Variants in SPPL3 observed in about 807,000 individuals in gnomAD.
SPPL3 encodes the protein signal peptide peptidase like 3, also known as signal peptide peptidase-like 3.
A neutral mutation model predicts 42.4 loss-of-function variants in SPPL3; 5 were observed. The ratio of observed to expected loss-of-function variants is 0.12; its 90% CI spans 0.06 to 0.25. The LOEUF (loss-of-function observed/expected upper bound fraction) is 0.25. SPPL3 is among the 10% of genes least tolerant of loss of function. The pLI, the probability that SPPL3 is intolerant of heterozygous loss-of-function variation, is 1.00. For synonymous variants in SPPL3, 195 were observed against 181.8 expected, an observed-to-expected ratio of 1.07 and a Z score of -0.58; for missense variants, 235 against 489.0, an observed-to-expected ratio of 0.48 and a Z score of 4.90.
At chr12:120,879,071 C>T (rs1873199183) in intron 1 of SPPL3, among the ~76,000 whole-genome samples, 1 of 132,854 alleles carries the variant, frequency 7.5e-6, no homozygotes, top group Non-Finnish European at 1.5e-5. Flanking sequence ...CGAGATCGCG[C>T]CATTGCACTC....
chr12:120,802,200 G>T (rs895227234), intron 2 of SPPL3, among the ~76,000 whole-genome samples: 6 of 151,758 alleles, frequency 4.0e-5, no homozygotes, highest in African/African-American at 1.5e-4. Flanking sequence ...TCAGGACAAG[G>T]GGAAACATGG....
chr12:120,841,531 C>T (rs1016265401), intron 1 of SPPL3, among the ~76,000 whole-genome samples: 1 of 151,930 alleles, frequency 6.6e-6, no homozygotes, highest in Non-Finnish European at 1.5e-5. Context: ...GTATGATAAA[C>T]GAAAGGCCAA....
At chr12:120,859,178 G>A (rs1201528979) in intron 1 of SPPL3, among the ~76,000 whole-genome samples, 2 of 151,724 alleles carry the variant, frequency 1.3e-5, no homozygotes, top group Non-Finnish European at 2.9e-5. Context: ...TTTGGGGTGG[G>A]GGGCGTGGGG....
rs367658051 is a variant in SPPL3 at position 120,782,780 on chromosome 12, C to G, written c.390-13G>C. 4 of 1,580,456 alleles carry G rather than the reference C, an allele frequency of 2.5e-6. No individual in the cohort carries two copies. The African/African-American group carries it at 5.4e-5, about 21-fold the overall frequency. On this transcript the variant is annotated splice_polypyrimidine_tract_variant and intron_variant, in intron 5 of 10. Coordinates refer to ENST00000353487, the MANE Select transcript of SPPL3 (RefSeq NM_139015.5). ...ACCAAAGGAAATCCTGGAAAACACA[C>G]AACACTTATTGGACAGTGGGCACAC...
chr12:120,864,798 C>T (rs889228922), intron 1 of SPPL3, among the ~76,000 whole-genome samples: 1 of 152,166 alleles, frequency 6.6e-6, no homozygotes, highest in African/African-American at 2.4e-5. Context: ...GTGTGACCTT[C>T]CCATTACATC....
At chr12:120,823,595 C>T (rs1019586333) in intron 1 of SPPL3, among the ~76,000 whole-genome samples, 1 of 152,190 alleles carries the variant, frequency 6.6e-6, no homozygotes, top group Non-Finnish European at 1.5e-5. Flanking sequence ...CCCATCAGGG[C>T]TCTGTCATCA....
chr12:120,861,313 C>T (rs564470906), intron 1 of SPPL3, among the ~76,000 whole-genome samples: 25 of 152,206 alleles, frequency 1.6e-4, no homozygotes, highest in African/African-American at 5.5e-4. Flanking sequence ...ATTTGGCTTG[C>T]AGGCCATAGT....
At chr12:120,880,748 C>T (rs1873252944) in intron 1 of SPPL3, among the ~76,000 whole-genome samples, 1 of 151,678 alleles carries the variant, frequency 6.6e-6, no homozygotes, top group Admixed American at 6.6e-5. Context: ...GATCACACCA[C>T]TGCACTCTAG....
At chr12:120,894,264 C>A (rs1420437278) in intron 1 of SPPL3, among the ~76,000 whole-genome samples, 1 of 152,154 alleles carries the variant, frequency 6.6e-6, no homozygotes, top group Non-Finnish European at 1.5e-5. Flanking sequence ...GCAGAGGTTG[C>A]GGTGAGCCAA....
chr12:120,889,254 C>T (rs1291086223), intron 1 of SPPL3, among the ~76,000 whole-genome samples: 2 of 152,060 alleles, frequency 1.3e-5, no homozygotes, highest in African/African-American at 2.4e-5. Context: ...GATAAGTAGC[C>T]CTATTGAAAC....
chr12:120,871,801 A>G (rs902177715), intron 1 of SPPL3, among the ~76,000 whole-genome samples: 3 of 152,196 alleles, frequency 2.0e-5, no homozygotes, highest in African/African-American at 7.2e-5. Flanking sequence ...TAACCTGCAC[A>G]TATCCTTCCA....
chr12:120,861,772 T>C (rs986019621), intron 1 of SPPL3, among the ~76,000 whole-genome samples: 9 of 152,326 alleles, frequency 5.9e-5, no homozygotes, highest in African/African-American at 2.2e-4. Flanking sequence ...ATCTTATTCC[T>C]TGTTACTTGT....
intron 1 of SPPL3, among the ~76,000 whole-genome samples, chr12:120,855,530 T>C (rs1872421989): frequency 1.3e-5 from 2 of 151,762 alleles, no homozygotes; most frequent in African/African-American, 4.8e-5. Context: ...TCTACTAAAA[T>C]ACAAAAACTG....
At chr12:120,811,157 T>C (rs1488952858) in intron 1 of SPPL3, 1 of 259,972 alleles carries the variant, frequency 3.8e-6, no homozygotes, top group Non-Finnish European at 7.2e-6. Flanking sequence ...TGTATATGTT[T>C]ACAACATCCA....
At chr12:120,897,821 T>C (rs1043439739) in intron 1 of SPPL3, among the ~76,000 whole-genome samples, 6 of 152,196 alleles carry the variant, frequency 3.9e-5, no homozygotes, top group Admixed American at 1.3e-4. Flanking sequence ...TCAGCTACAA[T>C]TGGATATGAT....
intron 1 of SPPL3, among the ~76,000 whole-genome samples, chr12:120,874,561 T>A (rs1375747382): frequency 1.3e-5 from 2 of 151,220 alleles, no homozygotes; most frequent in Non-Finnish European, 2.9e-5. Context: ...AGAATTAAAA[T>A]GCCTGATAAC....
chr12:120,817,069 T>A (rs1352753583), intron 1 of SPPL3, among the ~76,000 whole-genome samples: 1 of 151,724 alleles, frequency 6.6e-6, no homozygotes, highest in Non-Finnish European at 1.5e-5. Context: ...GTGGGAGGAT[T>A]ACTTGAGCCC....
chr12:120,830,869 T>C (rs1182662308), intron 1 of SPPL3, among the ~76,000 whole-genome samples: 2 of 152,112 alleles, frequency 1.3e-5, no homozygotes, highest in South Asian at 2.1e-4. Context: ...ATGTATCAAT[T>C]TGACTGAGCT....
At chr12:120,852,296 T>G (rs1293978963) in intron 1 of SPPL3, among the ~76,000 whole-genome samples, 1 of 148,440 alleles carries the variant, frequency 6.7e-6, no homozygotes, top group Non-Finnish European at 1.5e-5. Context: ...CTATTAAAGA[T>G]ATATATCTTT....
Sources: gnomAD v4.1 joint callset for allele counts (sites outside exome capture counted in the v4.1 genomes callset) on GRCh38, gnomAD v4.1.1 for gene constraint, MANE v1.5 for transcripts, NCBI Gene and HGNC (gene_info 2026-07-23, HGNC 2026-07-21) for gene names.